Variants in WDPCP observed in about 807,000 individuals in gnomAD.
WDPCP encodes WD repeat-containing and planar cell polarity effector protein fritz homolog.
Under a neutral mutation model 93.1 loss-of-function variants are expected in WDPCP, and 71 were observed. That is an observed-to-expected ratio of 0.76 (90% CI 0.63 to 0.93). The LOEUF is 0.93. Ranked by LOEUF, WDPCP falls within the 40% of genes least tolerant of loss-of-function variation. The probability of loss-of-function intolerance (pLI) is 0.00; values close to 1 mark genes in which losing one functional copy is unlikely to be tolerated. For synonymous variants in WDPCP, 315 were observed against 315.0 expected (o/e 1.00, Z 0.00); for missense variants, 844 against 887.4 (o/e 0.95, Z 0.62).
chr2:63,201,030 G>A (rs1044439974), intron 14 of WDPCP, among the ~76,000 whole-genome samples: 3 of 152,170 alleles, frequency 2.0e-5, no homozygotes, highest in Non-Finnish European at 4.4e-5. Context: ...ATGTCAAATT[G>A]TATTTCCCAA....
chr2:63,765,430 T>C (rs980177654), intron 2 of WDPCP, among the ~76,000 whole-genome samples: 1 of 152,160 alleles, frequency 6.6e-6, no homozygotes, highest in African/African-American at 2.4e-5. Flanking sequence ...TCCCTGCACT[T>C]GTGGACTGTT....
At chr2:63,369,324 A>G in intron 12 of WDPCP, 1 of 437,654 alleles carries the variant, frequency 2.3e-6, no homozygotes, top group Non-Finnish European at 4.6e-6. Context: ...CTTGCTGACA[A>G]GAAGCATGAT....
At chr2:63,193,571 T>C (rs1675199602) in intron 14 of WDPCP, among the ~76,000 whole-genome samples, 2 of 152,212 alleles carry the variant, frequency 1.3e-5, no homozygotes, top group African/African-American at 4.8e-5. Context: ...CTGCAACCTC[T>C]AACTGCTAGG....
intron 12 of WDPCP, among the ~76,000 whole-genome samples, chr2:63,327,876 C>A (rs933828691): frequency 1.3e-5 from 2 of 152,176 alleles, no homozygotes; most frequent in Non-Finnish European, 2.9e-5. Context: ...CGACTAACAA[C>A]TTCTACTGAG....
At chr2:63,832,702 AT>A (rs1186945093), upstream of WDPCP, among the ~76,000 whole-genome samples, 9 of 152,306 alleles carry the variant, frequency 5.9e-5, no homozygotes, top group Middle Eastern at 3.4e-3. Flanking sequence ...TAAATATCTC[AT>A]TTGATAGTTC....
chr2:63,178,173 G>A (rs1673962787), intron 14 of WDPCP, among the ~76,000 whole-genome samples: 1 of 152,148 alleles, frequency 6.6e-6, no homozygotes, highest in East Asian at 1.9e-4. Context: ...ACGTTGGTCT[G>A]TAGTTTTCTT....
At chr2:63,488,468 C>T (rs1023028881) in intron 2 of WDPCP, among the ~76,000 whole-genome samples, 2 of 152,032 alleles carry the variant, frequency 1.3e-5, no homozygotes, top group Admixed American at 6.6e-5. Flanking sequence ...TTAGTAGAGG[C>T]ATACAATTTT....
At chr2:63,479,532 TACTC>T (rs1700148987) in intron 6 of WDPCP, among the ~76,000 whole-genome samples, 1 of 152,212 alleles carries the variant, frequency 6.6e-6, no homozygotes, top group Non-Finnish European at 1.5e-5. Flanking sequence ...TAATTTAACA[TACTC>T]AATTCAATAA....
intron 3 of WDPCP, among the ~76,000 whole-genome samples, chr2:63,633,956 C>A (rs192464328): frequency 5.3e-5 from 8 of 151,974 alleles, no homozygotes; most frequent in Non-Finnish European, 1.2e-4. Flanking sequence ...CAGCTACTCA[C>A]GAGGGTGAGG....
chr2:63,522,455 G>GACACACACACACACACACACAC (rs112008719), intron 1 of WDPCP, among the ~76,000 whole-genome samples: 2 of 127,210 alleles, frequency 1.6e-5, no homozygotes, highest in South Asian at 2.6e-4. Flanking sequence ...CAGACAGACA[G>GACACACACACACACACACACAC]ACACACACAC....
chr2:63,343,136 G>A (rs1688960688), intron 12 of WDPCP, among the ~76,000 whole-genome samples: 2 of 152,162 alleles, frequency 1.3e-5, no homozygotes, highest in South Asian at 2.1e-4. Context: ...GAGTAGCTGG[G>A]ATTACGGGCT....
chr2:63,233,898 G>A (rs1215517511), intron 14 of WDPCP, among the ~76,000 whole-genome samples: 2 of 152,050 alleles, frequency 1.3e-5, no homozygotes, highest in Non-Finnish European at 2.9e-5. Context: ...TCTGCAGGAG[G>A]TGCAGCCATC....
intron 13 of WDPCP, among the ~76,000 whole-genome samples, chr2:63,282,456 G>T (rs1683639391): frequency 1.3e-5 from 2 of 152,176 alleles, no homozygotes; most frequent in African/African-American, 4.8e-5. Flanking sequence ...AGTGAGCCGA[G>T]ATCGCGCCAC....
At chr2:63,124,396 C>G (rs1005567048) in intron 17 of WDPCP, among the ~76,000 whole-genome samples, 1 of 151,916 alleles carries the variant, frequency 6.6e-6, no homozygotes, top group African/African-American at 2.4e-5. Flanking sequence ...AGGGTTTTCC[C>G]CAGTCCCTCA....
intron 5 of WDPCP, 95 bp downstream of exon 5, chr2:63,484,822 C>A: frequency 6.7e-7 from 1 of 1,499,074 alleles, no homozygotes; most frequent in Non-Finnish European, 9.2e-7. Flanking sequence ...CTATCATCAC[C>A]ATGAGAGTTG....
At chr2:63,541,653 T>A (rs1188268037) in intron 1 of WDPCP, among the ~76,000 whole-genome samples, 1 of 152,180 alleles carries the variant, frequency 6.6e-6, no homozygotes, top group Non-Finnish European at 1.5e-5. Flanking sequence ...TATCAATAAA[T>A]GCATTATTTA....
intron 10 of WDPCP, among the ~76,000 whole-genome samples, chr2:63,392,284 G>C (rs1441249400): frequency 6.6e-6 from 1 of 152,168 alleles, no homozygotes; most frequent in Non-Finnish European, 1.5e-5. Context: ...AAGCAATGGG[G>C]AAAGGATTCC....
chr2:63,418,136 T>G (rs756761692), intron 9 of WDPCP, among the ~76,000 whole-genome samples: 36 of 152,242 alleles, frequency 2.4e-4, no homozygotes, highest in Middle Eastern at 6.8e-3. Context: ...TCAAATAGAA[T>G]TATGTAGTTA....
chr2:63,321,261 C>A (rs757221562), intron 12 of WDPCP, among the ~76,000 whole-genome samples: 1 of 151,896 alleles, frequency 6.6e-6, no homozygotes, highest in Non-Finnish European at 1.5e-5. Context: ...TCTCTATATT[C>A]ATGTAACTGA....
Sources: allele counts gnomAD v4.1 joint callset (sites outside exome capture counted in the v4.1 genomes callset), GRCh38; gene constraint gnomAD v4.1.1; transcripts MANE v1.5; gene names NCBI Gene and HGNC (gene_info 2026-07-23, HGNC 2026-07-21).